RANBP2: variants seen among roughly 807,000 people sequenced by gnomAD.
RANBP2 encodes the protein E3 SUMO-protein ligase RanBP2.
A neutral mutation model predicts 303.6 loss-of-function variants in RANBP2; 57 were observed. The ratio of observed to expected loss-of-function variants is 0.19; its 90% CI spans 0.15 to 0.23. RANBP2 has a LOEUF of 0.23. Ranked by LOEUF, RANBP2 falls within the 10% of genes least tolerant of loss-of-function variation. The probability of loss-of-function intolerance (pLI) is 1.00; values close to 1 mark genes in which losing one functional copy is unlikely to be tolerated. For synonymous variants in RANBP2, 1,167 were observed against 1,301.5 expected (o/e 0.90, Z 2.23); for missense variants, 3,138 against 3,780.8 (o/e 0.83, Z 4.46).
At chr2:109,544,179 C>A in the RANBP2 span, 1 of 1,589,956 alleles carries the variant, frequency 6.3e-7, no homozygotes, top group Non-Finnish European at 8.6e-7. Flanking sequence ...CCATAAATAT[C>A]AGTAACTGTG....
At chr2:109,065,906 T>C in the RANBP2 span, among the ~76,000 whole-genome samples, 2 of 152,134 alleles carry the variant, frequency 1.3e-5, no homozygotes, top group Non-Finnish European at 2.9e-5. Context: ...ACTATCATTT[T>C]TTTCCACTCT....
chr2:109,574,747 T>C, the RANBP2 span: 7 of 1,593,084 alleles, frequency 4.4e-6, no homozygotes, highest in East Asian at 1.6e-4. Context: ...AGCATCTATG[T>C]AGTCAACTAT....
At chr2:108,790,084 G>C (rs1377583834), downstream of RANBP2, among the ~76,000 whole-genome samples, 1 of 151,986 alleles carries the variant, frequency 6.6e-6, no homozygotes, top group African/African-American at 2.4e-5. Flanking sequence ...ACTTAAATAA[G>C]TTAATCTGTG....
chr2:109,652,695 G>A, the RANBP2 span, among the ~76,000 whole-genome samples: 2 of 152,182 alleles, frequency 1.3e-5, no homozygotes, highest in African/African-American at 4.8e-5. Context: ...TACCCATCCA[G>A]TGTCCCATGG....
chr2:109,284,680 T>C, the RANBP2 span, among the ~76,000 whole-genome samples: 1 of 152,292 alleles, frequency 6.6e-6, no homozygotes, highest in East Asian at 1.9e-4. Context: ...TTTAGTGATT[T>C]TTTTGAGACC....
At chr2:109,633,950 T>A in the RANBP2 span, among the ~76,000 whole-genome samples, 1 of 151,270 alleles carries the variant, frequency 6.6e-6, no homozygotes, top group Admixed American at 6.6e-5. Flanking sequence ...GGAAACCCCA[T>A]CTCTATTAAA....
chr2:109,394,338 G>A, the RANBP2 span, among the ~76,000 whole-genome samples: 605 of 152,210 alleles, frequency 4.0e-3, 4 homozygotes, highest in Non-Finnish European at 5.3e-3. Context: ...GTGAGCCCTG[G>A]CCCAACCTTT....
chr2:108,994,819 TA>T, the RANBP2 span, among the ~76,000 whole-genome samples: 12 of 9,998 alleles, frequency 1.2e-3, no homozygotes, highest in Middle Eastern at 0.031. Flanking sequence ...TATATATATA[TA>T]TATATATATC....
chr2:109,080,046 T>A, the RANBP2 span, among the ~76,000 whole-genome samples: 22 of 152,300 alleles, frequency 1.4e-4, no homozygotes, highest in African/African-American at 5.1e-4. Flanking sequence ...AAGCATCTCC[T>A]CCGATGATTG....
chr2:108,782,423 C>T, intron 27 of RANBP2, 22 bp downstream of exon 27: 1 of 1,613,784 alleles, frequency 6.2e-7, no homozygotes, highest in East Asian at 2.2e-5. Flanking sequence ...CATTCAAATG[C>T]TACTTTTCAT....
chr2:109,389,338 GTC>G, the RANBP2 span, among the ~76,000 whole-genome samples: 1 of 152,210 alleles, frequency 6.6e-6, no homozygotes, highest in African/African-American at 2.4e-5. Flanking sequence ...TGGAGGCAAT[GTC>G]TGTCATCTCC....
At chr2:108,890,266 G>A in the RANBP2 span, among the ~76,000 whole-genome samples, 1 of 140,532 alleles carries the variant, frequency 7.1e-6, no homozygotes, top group East Asian at 2.0e-4. Context: ...TTGTAATGGG[G>A]TCTCACTCTG....
the RANBP2 span, among the ~76,000 whole-genome samples, chr2:109,627,086 AG>A: frequency 1.3e-5 from 2 of 152,158 alleles, no homozygotes; most frequent in Non-Finnish European, 2.9e-5. Context: ...GGAGTCCAGG[AG>A]TTCCAAGCTA....
the RANBP2 span, chr2:109,593,003 A>G: frequency 1.6e-6 from 2 of 1,281,294 alleles, no homozygotes; most frequent in South Asian, 1.8e-5. Flanking sequence ...TTAAAATCAT[A>G]GAAGCATTTA....
At chr2:109,395,691 G>A in the RANBP2 span, among the ~76,000 whole-genome samples, 1 of 152,192 alleles carries the variant, frequency 6.6e-6, no homozygotes, top group Non-Finnish European at 1.5e-5. Flanking sequence ...AGCCTCTCGG[G>A]GACACGTGCT....
the RANBP2 span, among the ~76,000 whole-genome samples, chr2:109,496,473 C>T: frequency 6.6e-6 from 1 of 152,226 alleles, no homozygotes; most frequent in Non-Finnish European, 1.5e-5. Context: ...CTGGCTTCAC[C>T]TTTCACTATG....
the RANBP2 span, among the ~76,000 whole-genome samples, chr2:109,604,466 C>A: frequency 2.7e-5 from 4 of 148,292 alleles, no homozygotes; most frequent in Non-Finnish European, 5.9e-5. Context: ...GTGGCTGAGG[C>A]CTGTAATCCT....
At chr2:109,685,464 C>G in the RANBP2 span, among the ~76,000 whole-genome samples, 91,886 of 152,122 alleles carry the variant, frequency 0.6, 29,209 homozygotes, top group Middle Eastern at 0.73. Context: ...TGTCATGCTT[C>G]TCACACCCTC....
the RANBP2 span, among the ~76,000 whole-genome samples, chr2:109,429,249 C>A: frequency 4.6e-5 from 7 of 152,258 alleles, no homozygotes; most frequent in South Asian, 2.1e-4. Flanking sequence ...CCAACACGAG[C>A]CGCATGCCAG....
Sources: gnomAD v4.1 joint callset for allele counts (sites outside exome capture counted in the v4.1 genomes callset) on GRCh38, gnomAD v4.1.1 for gene constraint, MANE v1.5 for transcripts, NCBI Gene and HGNC (gene_info 2026-07-23, HGNC 2026-07-21) for gene names.